NLRP5: variants seen among roughly 807,000 people sequenced by gnomAD.
NLRP5 encodes NACHT, LRR and PYD domains-containing protein 5.
A neutral mutation model predicts 113.1 loss-of-function variants in NLRP5; 93 were observed. The ratio of observed to expected loss-of-function variants is 0.82; its 90% CI spans 0.70 to 0.98. NLRP5 has a LOEUF of 0.98. Ranked by LOEUF, NLRP5 falls within the 50% of genes least tolerant of loss-of-function variation. NLRP5 has a pLI of 0.00. For missense variants in NLRP5, 1,808 were observed against 1,514.3 expected (o/e 1.19, Z -3.22); for synonymous variants, 751 against 600.7 (o/e 1.25, Z -3.66).
intron 3 of NLRP5, among the ~76,000 whole-genome samples, chr19:56,014,852 A>T (rs1039596979): frequency 6.6e-6 from 1 of 152,170 alleles, no homozygotes; most frequent in Non-Finnish European, 1.5e-5. Context: ...TGATTCTCCA[A>T]CTTGACTTCA....
At chr19:56,054,192 A>T (rs1437291685) in intron 13 of NLRP5, among the ~76,000 whole-genome samples, 1 of 152,212 alleles carries the variant, frequency 6.6e-6, no homozygotes, top group Non-Finnish European at 1.5e-5. Context: ...TTAAAACTTC[A>T]GTGAGCATCA....
intron 11 of NLRP5, among the ~76,000 whole-genome samples, chr19:56,048,979 A>ATTTTTTTTTTTTTT (rs60229740): frequency 1.1e-5 from 1 of 94,976 alleles, no homozygotes; most frequent in Non-Finnish European, 2.0e-5. Flanking sequence ...TTTTTTTTTA[A>ATTTTTTTTTTTTTT]TTTTTTTTTT....
chr19:56,031,286 C>T (rs1983102308), intron 7 of NLRP5, among the ~76,000 whole-genome samples: 2 of 152,098 alleles, frequency 1.3e-5, no homozygotes, highest in South Asian at 2.1e-4. Context: ...GCTCCCCAGG[C>T]CCCCGGCAGC....
chr19:56,016,280 A>G (rs899824645), intron 4 of NLRP5, among the ~76,000 whole-genome samples: 22 of 152,152 alleles, frequency 1.4e-4, no homozygotes, highest in African/African-American at 3.1e-4. Context: ...CAGCCTCTCA[A>G]GTAGCTGGGG....
At chr19:56,026,865 T>C (rs1418925562) in intron 6 of NLRP5, 48 bp from the exon 7 acceptor site, 9 of 1,518,366 alleles carry the variant, frequency 5.9e-6, no homozygotes, top group East Asian at 2.5e-5. Flanking sequence ...TGCGAGCCAC[T>C]GTGCCTGGTC....
the NLRP5 span, among the ~76,000 whole-genome samples, chr19:55,994,112 G>C: frequency 3.3e-4 from 50 of 152,060 alleles, no homozygotes; most frequent in Admixed American, 3.1e-3. Context: ...TTCTTTCTCT[G>C]CATCCTTGCC....
chr19:55,994,812 AAAATAT>A (rs1449361049), upstream of NLRP5, among the ~76,000 whole-genome samples: 1 of 152,160 alleles, frequency 6.6e-6, no homozygotes, highest in African/African-American at 2.4e-5. Context: ...TCTTAGCCGC[AAAATAT>A]TTGCCTTGAC....
intron 11 of NLRP5, among the ~76,000 whole-genome samples, chr19:56,045,764 C>T (rs913608980): frequency 1.3e-5 from 2 of 152,136 alleles, no homozygotes; most frequent in Non-Finnish European, 2.9e-5. Flanking sequence ...AAGAATGTCA[C>T]ATGGTACACT....
intron 13 of NLRP5, among the ~76,000 whole-genome samples, chr19:56,057,450 CCATCTAGT>C (rs1228693286): frequency 1.3e-5 from 2 of 152,180 alleles, no homozygotes; most frequent in African/African-American, 4.8e-5. Context: ...TCTTTTCTAG[CCATCTAGT>C]CATCTTTGTT....
At chr19:56,045,333 G>T (rs545231513) in intron 11 of NLRP5, among the ~76,000 whole-genome samples, 1 of 152,218 alleles carries the variant, frequency 6.6e-6, no homozygotes, top group Non-Finnish European at 1.5e-5. Context: ...TGAGCAACAA[G>T]GCTGTGTATT....
intron 9 of NLRP5, among the ~76,000 whole-genome samples, chr19:56,037,714 A>AAAAAAGG (rs200215825): frequency 7.6e-6 from 1 of 131,672 alleles, no homozygotes; most frequent in South Asian, 2.4e-4. Context: ...AAAAAAAAAA[A>AAAAAAGG]TGTTGGCTGG....
At chr19:56,003,588 G>C in intron 1 of NLRP5, 148 bp from the exon 2 acceptor site, 1 of 915,454 alleles carries the variant, frequency 1.1e-6, no homozygotes, top group Non-Finnish European at 1.6e-6. Flanking sequence ...CTAGTAATAG[G>C]ATAAACAGAT....
rs188210086 is a variant in NLRP5 at position 56,055,759 on chromosome 19, A to C, written c.3299+1951A>C. On this transcript the variant is annotated intron_variant, in intron 13 of 14. Transcript: ENST00000390649. ...ACGGGGTTTCACCGTGTTAGCCAGGATGGTCTCAATCTCCTGACCTCATGA... is the reference window on the plus strand; with the variant it reads ...ACGGGGTTTCACCGTGTTAGCCAGGCTGGTCTCAATCTCCTGACCTCATGA... 9.1e-4 allele frequency among the ~76,000 whole-genome samples: 137 copies of C among 151,304 alleles called. 3 individuals carry two copies. The East Asian group carries it at 0.022, about 24-fold the overall frequency.
At chr19:56,060,833 G>A (rs1201300849) in intron 14 of NLRP5, among the ~76,000 whole-genome samples, 1 of 152,040 alleles carries the variant, frequency 6.6e-6, no homozygotes, top group Non-Finnish European at 1.5e-5. Context: ...CTGGAGATTT[G>A]TCGGGGGAAA....
In NLRP5 at chr19:56,015,746, T is replaced by C. The variant is rs1982378784; in HGVS notation, c.513T>C (p.Ile171=). 1.3e-6 allele frequency: 2 copies of C among 1,568,300 alleles called. No homozygotes were observed. The highest frequency in any genetic ancestry group is 8.7e-7 in the Non-Finnish European group (1 of 1,154,854). Residue 171 remains isoleucine (I), a synonymous_variant, in exon 4 of 15, where the codon ATT becomes ATC. Transcript: ENST00000390649. ...CTTCTCCCTTCTCTTTTGCAGGAAT[T>C]TCACAAGCTGTGCAACAAGATAGTG...
At position 56,061,607 on chromosome 19, in the gene NLRP5, C is replaced by T; in HGVS notation, c.*79C>T. 6.9e-7 allele frequency: 1 copy of T among 1,441,848 alleles called. No individual in the cohort carries two copies. The highest frequency in any genetic ancestry group is 1.2e-5 in the South Asian group (1 of 82,742). The allele number at this position is 1,441,848 out of a possible 1,614,324, so 89.3% of individuals were successfully genotyped here. ...TGTTTTCTCAGAGCAAGCTATGCAC[C>T]TGGGAGTTCCTTCTCAAAGATGGAG... On this transcript the variant is annotated 3_prime_UTR_variant, in exon 15 of 15. Transcript: ENST00000390649.
upstream of NLRP5, among the ~76,000 whole-genome samples, chr19:55,996,670 C>A (rs1361609649): frequency 6.6e-6 from 1 of 152,074 alleles, no homozygotes; most frequent in Non-Finnish European, 1.5e-5. Context: ...TGAAATCATC[C>A]TTGTTTATGG....
chr19:56,040,699 C>G (rs1281720811), intron 10 of NLRP5, among the ~76,000 whole-genome samples: 2 of 152,218 alleles, frequency 1.3e-5, no homozygotes, highest in Non-Finnish European at 2.9e-5. Context: ...CCCATTGTGA[C>G]TGGCAGATCT....
At chr19:56,012,171 C>T (rs1982220349) in intron 3 of NLRP5, among the ~76,000 whole-genome samples, 1 of 150,174 alleles carries the variant, frequency 6.7e-6, no homozygotes, top group African/African-American at 2.5e-5. Context: ...CTTTCTCCCA[C>T]AGAGTCTCGC....
Sources: gnomAD v4.1 joint callset for allele counts (sites outside exome capture counted in the v4.1 genomes callset) on GRCh38, gnomAD v4.1.1 for gene constraint, MANE v1.5 for transcripts, NCBI Gene and HGNC (gene_info 2026-07-23, HGNC 2026-07-21) for gene names.